The following KSR1 variants were observed in gnomAD, a reference collection of about 807,000 sequenced individuals.
KSR1 encodes the protein kinase suppressor of ras 1.
A neutral mutation model predicts 92.9 loss-of-function variants in KSR1; 35 were observed. The ratio of observed to expected loss-of-function variants is 0.38; its 90% CI spans 0.29 to 0.50. The LOEUF is 0.50. KSR1 is among the 20% of genes least tolerant of loss of function. KSR1 has a pLI of 0.94. For missense variants in KSR1, 972 were observed against 1,158.5 expected (o/e 0.84, Z 2.34); for synonymous variants, 467 against 472.6 (o/e 0.99, Z 0.15).
At chr17:27,571,927 G>A (rs2072325528) in intron 2 of KSR1, among the ~76,000 whole-genome samples, 1 of 152,218 alleles carries the variant, frequency 6.6e-6, no homozygotes, top group Non-Finnish European at 1.5e-5. Context: ...CAGCCCCGTG[G>A]CTGCTAGTAA....
chr17:27,583,010 G>A lies in KSR1; in HGVS notation c.885G>A (p.Lys295=), dbSNP rs758049142. Residue 295 remains lysine, a synonymous_variant, in exon 4 of 21, where the codon AAG becomes AAA. Transcript: ENST00000644974. ...PPRTPPPPSR[K]VFQLLPSFPT... is the part of the protein sequence containing the mutation. ...GGACGCCCCCCCCACCCAGCCGCAA[G>A]GTCTTCCAGCTGCTGCCCAGCTTCC... 6.4e-7 allele frequency: 1 copy of A among 1,571,894 alleles called. No homozygotes were observed. The highest frequency in any genetic ancestry group is 1.1e-5 in the South Asian group (1 of 89,526).
chr17:27,526,125 C>G (rs1175002270), intron 1 of KSR1, among the ~76,000 whole-genome samples: 1 of 71,274 alleles, frequency 1.4e-5, no homozygotes, highest in African/African-American at 5.2e-5. Flanking sequence ...TCTCATGGTT[C>G]TTGTATGAAT....
intron 1 of KSR1, among the ~76,000 whole-genome samples, chr17:27,476,068 G>A (rs2068333426): frequency 6.6e-6 from 1 of 152,152 alleles, no homozygotes; most frequent in Admixed American, 6.5e-5. Context: ...ATTTATTAAA[G>A]TAATGAATAT....
At chr17:27,517,848 G>T (rs1211932013) in intron 1 of KSR1, among the ~76,000 whole-genome samples, 3 of 152,196 alleles carry the variant, frequency 2.0e-5, no homozygotes, top group Non-Finnish European at 2.9e-5. Context: ...AATTGTGGGG[G>T]TTGTAAGCTT....
Position 27,619,639 on chromosome 17 carries a change from C to A in KSR1, c.2628-1554C>A, listed in dbSNP as rs183635724. ...TCTCGAACTCCTGACCTCAGGTGAT[C>A]ACCCACCTCAGCCTCCCAAAGTGCT... On this transcript the variant is annotated intron_variant, in intron 19 of 20. Coordinates refer to ENST00000644974, the MANE Select transcript of KSR1 (RefSeq NM_001394583.1). 2.0e-5 allele frequency among the ~76,000 whole-genome samples: 3 copies of A among 152,162 alleles called. No individual in the cohort carries two copies. In the East Asian group the frequency reaches 5.8e-4, roughly 29 times the overall value.
At position 27,601,421 on chromosome 17, in the gene KSR1, C is replaced by T; in HGVS notation, c.1510+20C>T. The T allele has an allele frequency of 6.2e-7, 1 of 1,607,438 alleles. No homozygotes were observed. Among genetic ancestry groups the T allele is most frequent in the South Asian group, 1.1e-5 (1 of 90,894 alleles). On this transcript the variant is annotated intron_variant, in intron 11 of 20. Transcript: ENST00000644974. Reference sequence around the variant, plus strand: ...TTCCAGGTGAGTCCTTTGCATGGTTCCATTAACTGCCCTTTGCTGTGACCC... The same window carrying T: ...TTCCAGGTGAGTCCTTTGCATGGTTTCATTAACTGCCCTTTGCTGTGACCC...
intron 1 of KSR1, among the ~76,000 whole-genome samples, chr17:27,463,352 T>G (rs1232869063): frequency 1.3e-5 from 2 of 150,462 alleles, no homozygotes; most frequent in Non-Finnish European, 2.9e-5. Flanking sequence ...CTACAAGAAA[T>G]AGAAAATTAG....
intron 2 of KSR1, chr17:27,558,099 A>G (rs998258928): frequency 6.6e-6 from 1 of 152,400 alleles, no homozygotes; most frequent in Admixed American, 6.6e-5. Context: ...GGAGTTTTAA[A>G]TTTTTCAACA....
intron 1 of KSR1, among the ~76,000 whole-genome samples, chr17:27,512,615 C>T (rs1197590364): frequency 2.0e-5 from 3 of 152,116 alleles, no homozygotes; most frequent in East Asian, 1.9e-4. Context: ...GCCAGCTACT[C>T]GGGAGGCTGA....
At chr17:27,608,607 G>A (rs1367134317) in intron 15 of KSR1, among the ~76,000 whole-genome samples, 2 of 149,580 alleles carry the variant, frequency 1.3e-5, no homozygotes, top group East Asian at 4.0e-4. Flanking sequence ...CAGAGAAGTT[G>A]AGCACTGTGT....
intron 1 of KSR1, among the ~76,000 whole-genome samples, chr17:27,520,575 C>A (rs2069980249): frequency 6.6e-6 from 1 of 152,256 alleles, no homozygotes. Context: ...AATCGTGCCA[C>A]CAGCCCTGAA....
At chr17:27,560,131 C>T (rs963300935) in intron 2 of KSR1, among the ~76,000 whole-genome samples, 48 of 152,322 alleles carry the variant, frequency 3.2e-4, no homozygotes, top group African/African-American at 1.1e-3. Flanking sequence ...CGGGGCCCTG[C>T]CCCGCTCCCA....
intron 1 of KSR1, among the ~76,000 whole-genome samples, chr17:27,501,571 C>T (rs777218788): frequency 2.0e-5 from 3 of 152,146 alleles, no homozygotes; most frequent in Admixed American, 6.5e-5. Flanking sequence ...TGTGTGTAGC[C>T]TCAGAGCATG....
In KSR1 at chr17:27,502,161, C is replaced by T. The variant is rs1027642216; in HGVS notation, c.231+45287C>T. ...GCAGAGCCTTTCAGCTAGGAAATGG[C>T]AGAGCTGGAATTCCAAGCCAGGTCT... On this transcript the variant is annotated intron_variant, in intron 1 of 20. Coordinates refer to ENST00000644974, the MANE Select transcript of KSR1 (RefSeq NM_001394583.1). Among the ~76,000 whole-genome samples, 10 of 152,290 alleles carry T rather than the reference C, an allele frequency of 6.6e-5. No individual in the cohort carries two copies. In the South Asian group the frequency reaches 1.7e-3, roughly 25 times the overall value.
At chr17:27,566,500 G>A in intron 2 of KSR1, 1 of 399,112 alleles carries the variant, frequency 2.5e-6, no homozygotes, top group Non-Finnish European at 4.4e-6. Context: ...GTGTCCAGGG[G>A]CACAGGGCCC....
chr17:27,616,804 C>T (rs185912728), intron 18 of KSR1, among the ~76,000 whole-genome samples: 59 of 152,310 alleles, frequency 3.9e-4, no homozygotes, highest in African/African-American at 1.1e-3. Flanking sequence ...TGGGGGCAGT[C>T]GGGACAGCTG....
At chr17:27,515,767 A>G (rs1030443457) in intron 1 of KSR1, among the ~76,000 whole-genome samples, 3 of 152,166 alleles carry the variant, frequency 2.0e-5, no homozygotes, top group African/African-American at 7.2e-5. Flanking sequence ...CCAACATGGT[A>G]GAAATGTGGA....
At chr17:27,540,709 A>G (rs1188095255) in intron 1 of KSR1, among the ~76,000 whole-genome samples, 1 of 152,200 alleles carries the variant, frequency 6.6e-6, no homozygotes, top group Non-Finnish European at 1.5e-5. Flanking sequence ...ATGCCCATGA[A>G]TGTCAGCCCC....
intron 10 of KSR1, among the ~76,000 whole-genome samples, chr17:27,599,716 T>C (rs1292854272): frequency 6.6e-6 from 1 of 152,244 alleles, no homozygotes; most frequent in Non-Finnish European, 1.5e-5. Context: ...AACCTTAGCT[T>C]ACAACTTTTT....
Sources: allele counts gnomAD v4.1 joint callset (sites outside exome capture counted in the v4.1 genomes callset), GRCh38; gene constraint gnomAD v4.1.1; transcripts MANE v1.5; gene names NCBI Gene and HGNC (gene_info 2026-07-23, HGNC 2026-07-21).